MSC: variants seen among roughly 807,000 people sequenced by gnomAD.
MSC encodes the protein activated B-cell factor 1, homolog of mouse musculin.
MSC carries 16 observed loss-of-function variants against 14.4 expected under a neutral mutation model. The ratio of observed to expected loss-of-function variants is 1.11; its 90% CI spans 0.75 to 1.69. The LOEUF (loss-of-function observed/expected upper bound fraction) is 1.69, where lower values mean the gene tolerates loss of function less well. MSC is among the 40% of genes most tolerant of loss of function. MSC has a pLI of 0.00. For synonymous variants in MSC, 165 were observed against 128.5 expected, an observed-to-expected ratio of 1.28 and a Z score of -1.92; for missense variants, 320 against 288.1, an observed-to-expected ratio of 1.11 and a Z score of -0.80.
At position 71,842,695 on chromosome 8, in the gene MSC, G is replaced by C. The variant is rs1415624423; in HGVS notation, c.587C>G (p.Ser196Cys). 6.2e-7 allele frequency: 1 copy of C among 1,614,186 alleles called. No homozygotes were observed. Among genetic ancestry groups the C allele is most frequent in the Admixed American group, 1.7e-5 (1 of 60,026 alleles). The change falls in exon 2 of 2, where the codon TCC (serine) becomes TGC (cysteine). Residue 196 changes from serine (S) to cysteine (C), a missense_variant. Physicochemically the swap from Ser to Cys is moderately radical, Grantham distance 112 (BLOSUM62 -1). Transcript: ENST00000325509. ...GGTTCCACATAGTCTGTTGGCTGCG[G>C]AAACTTCTTTGGTGTCAGAGTCCGG... The part of the protein sequence containing the change: ...GRPDSDTKEV[S>C]AANRLCGTTA
In MSC at chr8:71,842,725, C is replaced by T. The variant is rs373436659; in HGVS notation, c.557G>A (p.Gly186Glu). 3 of 1,614,114 alleles carry T rather than the reference C, an allele frequency of 1.9e-6. No homozygotes were observed. Among genetic ancestry groups the T allele is most frequent in the African/African-American group, 2.7e-5 (2 of 75,028 alleles). The change falls in exon 2 of 2, where the codon GGA becomes GAA. Residue 186 changes from glycine (G) to glutamate (E), a missense_variant. Transcript: ENST00000325509. ...TTCTTTGGTGTCAGAGTCCGGTCTTCCCGAGACCACGAATGGCCATGTCTG... is the reference window on the plus strand; with the variant it reads ...TTCTTTGGTGTCAGAGTCCGGTCTTTCCGAGACCACGAATGGCCATGTCTG... ...VNLTWPFVVSGRPDSDTKEVS... is the reference protein window; with the variant it reads ...VNLTWPFVVSERPDSDTKEVS...
rs200007708 is a variant in MSC at position 71,843,920 on chromosome 8, C to T, written c.259G>A (p.Ala87Thr). ...AGGGGCTTCTTGCCACCACCGCCCG[C>T]GCTACCACCTGCGCCGCCGCCCCCA... ...VAGGGGAGGS[A>T]GGGGKKPLPA... Residue 87 changes from alanine to threonine, a missense_variant, in exon 1 of 2, where the codon GCG (alanine) becomes ACG (threonine). By Grantham distance (58) the Ala-to-Thr change is moderately conservative. Coordinates refer to ENST00000325509, the MANE Select transcript of MSC (RefSeq NM_005098.4). The T allele has an allele frequency of 2.5e-6, 4 of 1,578,360 alleles. No individual in the cohort carries two copies. The highest frequency in any genetic ancestry group is 3.4e-6 in the Non-Finnish European group (4 of 1,164,240).
chr8:71,843,812 G>C lies in MSC; in HGVS notation c.367C>G (p.Leu123Val), dbSNP rs1411672217. 1 of 1,613,678 alleles carries C rather than the reference G, an allele frequency of 6.2e-7. No individual in the cohort carries two copies. The highest frequency in any genetic ancestry group is 2.2e-5 in the East Asian group (1 of 44,876). The part of the protein sequence containing the change: ...NARERARMRV[L>V]SKAFSRLKTS... ...TTGAGCCTGGAGAAGGCTTTGCTCA[G>C]CACGCGCATCCGGGCACGCTCACGG... is the stretch of plus-strand genomic sequence containing the variant. The change falls in exon 1 of 2, where the codon CTG becomes GTG. Residue 123 changes from leucine to valine, a missense_variant. Coordinates refer to ENST00000325509, the MANE Select transcript of MSC (RefSeq NM_005098.4).
chr8:71,843,447 C>G (rs1318151082), intron 1 of MSC, 198 bp downstream of exon 1: 1 of 724,350 alleles, frequency 1.4e-6, no homozygotes, highest in African/African-American at 1.7e-5. Flanking sequence ...CAAACAGACA[C>G]GGAGGGTTGA....
At position 71,843,823 on chromosome 8, in the gene MSC, CG is replaced by C; in HGVS notation, c.355del (p.Arg119GlyfsTer5). 1 of 1,613,484 alleles carries C rather than the reference CG, an allele frequency of 6.2e-7. No individual in the cohort carries two copies. Among genetic ancestry groups the C allele is most frequent in the Non-Finnish European group, 8.5e-7 (1 of 1,179,878 alleles). On this transcript the variant is annotated frameshift_variant, in exon 1 of 2. Transcript: ENST00000325509. LOFTEE classifies it high-confidence loss of function. The part of the protein sequence containing the change: ...RNAANARERA[R>X]MRVLSKAFSR... ...GAAGGCTTTGCTCAGCACGCGCATC[CG>C]GGCACGCTCACGGGCGTTGGCCGCG...
chr8:71,844,203 C>T lies in MSC; in HGVS notation c.-25G>A, dbSNP rs1275909030. On this transcript the variant is annotated 5_prime_UTR_variant, in exon 1 of 2. Coordinates refer to ENST00000325509, the MANE Select transcript of MSC (RefSeq NM_005098.4). The stretch of plus-strand genomic sequence containing the variant: ...TCCCGTTGTCCCCCTTGCCCACACG[C>T]GTCCTCTTTCCTCCCCCCTGGCCAG... 2 of 1,597,048 alleles carry T rather than the reference C, an allele frequency of 1.3e-6. No homozygotes were observed. The highest frequency in any genetic ancestry group is 2.2e-5 in the East Asian group (1 of 44,590).
At chr8:71,843,103 A>C in intron 1 of MSC, 2 of 343,694 alleles carry the variant, frequency 5.8e-6, no homozygotes, top group South Asian at 2.6e-5. Context: ...CCAAGCTCCA[A>C]GTAGGAACTG....
chr8:71,841,574 C>G lies in MSC; in HGVS notation c.*1087G>C, dbSNP rs1187860989. The G allele has an allele frequency of 6.6e-6, 1 of 152,158 alleles. No individual in the cohort carries two copies. The highest frequency in any genetic ancestry group is 2.4e-5 in the African/African-American group (1 of 41,430). 9.4% of individuals were successfully genotyped at this position (152,158 alleles called of 1,614,324 possible). A position where few individuals can be genotyped will look rare whatever the true frequency, so the allele number is the denominator to read the frequency against. On this transcript the variant is annotated 3_prime_UTR_variant, in exon 2 of 2. Coordinates refer to ENST00000325509, the MANE Select transcript of MSC (RefSeq NM_005098.4). Reference sequence around the variant, plus strand: ...TCCAAGGGGCACACGGTTTTTACAGCGCGTTTTATTATTCATAAAAAAATA... The same window carrying G: ...TCCAAGGGGCACACGGTTTTTACAGGGCGTTTTATTATTCATAAAAAAATA...
rs962469149 is a variant in MSC, at chr8:71,841,627, G to A, written c.*1034C>T. 1 of 152,222 alleles carries A rather than the reference G, an allele frequency of 6.6e-6. No individual in the cohort carries two copies. The highest frequency in any genetic ancestry group is 1.5e-5 in the Non-Finnish European group (1 of 68,038). The allele number at this position is 152,222 out of a possible 1,614,324, so 9.4% of individuals were successfully genotyped here. A position where few individuals can be genotyped will look rare whatever the true frequency, so the allele number is the denominator to read the frequency against. On this transcript the variant is annotated 3_prime_UTR_variant, in exon 2 of 2. Coordinates refer to ENST00000325509, the MANE Select transcript of MSC (RefSeq NM_005098.4). ...TTTATTTACATATGTTATTTCCTGT[G>A]GTAGTGCAGCCTCGGGGCAAGGGCG...
Position 71,843,662 on chromosome 8 carries a change from C to G in MSC, c.517G>C (p.Val173Leu), listed in dbSNP as rs760063227. 8 of 1,614,188 alleles carry G rather than the reference C, an allele frequency of 5.0e-6. No homozygotes were observed. The highest frequency in any genetic ancestry group is 6.8e-6 in the Non-Finnish European group (8 of 1,180,038). The change falls in exon 1 of 2, where the codon GTG (valine) becomes CTG (leucine). Residue 173 changes from valine (V) to leucine (L), a missense_variant. By Grantham distance (32) the Val-to-Leu change is conservative. Coordinates refer to ENST00000325509, the MANE Select transcript of MSC (RefSeq NM_005098.4). ...LQEDRYENGY[V>L]HPVNLTWPFV... Reference sequence around the variant, plus strand: ...GCCCCTACCAGGTTCACTGGGTGCACGTAGCCGTTCTCATAGCGGTCCTCC... The same window carrying G: ...GCCCCTACCAGGTTCACTGGGTGCAGGTAGCCGTTCTCATAGCGGTCCTCC...
chr8:71,843,626 T>G lies in MSC; in HGVS notation c.534+19A>C. On this transcript the variant is annotated intron_variant, in intron 1 of 1. Transcript: ENST00000325509. The stretch of plus-strand genomic sequence containing the variant: ...ATCTCCTGGCTGCTCTCCCGAATCC[T>G]TGCGCGCCGCGCCCCTACCAGGTTC... 6.2e-7 allele frequency: 1 copy of G among 1,614,082 alleles called. No individual in the cohort carries two copies. The highest frequency in any genetic ancestry group is 1.1e-5 in the South Asian group (1 of 91,080).
Position 71,844,221 on chromosome 8 carries a change from C to CT in MSC, c.-44dup. The CT allele has an allele frequency of 6.2e-7, 1 of 1,607,384 alleles. No homozygotes were observed. On this transcript the variant is annotated 5_prime_UTR_variant, in exon 1 of 2. Coordinates refer to ENST00000325509, the MANE Select transcript of MSC (RefSeq NM_005098.4). ...CCACACGCGTCCTCTTTCCTCCCCC[C>CT]TGGCCAGTCTCGCTGTCTCCGCCTT...
Position 71,842,595 on chromosome 8 carries a change from T to A in MSC, c.*66A>T. ...TTCTTCCCATCTCACGAGCTCTCCC[T>A]TCTCTCCGTGGCCCCCAAACACTCG... On this transcript the variant is annotated 3_prime_UTR_variant, in exon 2 of 2. Coordinates refer to ENST00000325509, the MANE Select transcript of MSC (RefSeq NM_005098.4). 19 of 1,472,680 alleles carry A rather than the reference T, an allele frequency of 1.3e-5. No individual in the cohort carries two copies. Among genetic ancestry groups the A allele is most frequent in the Non-Finnish European group, 1.8e-5 (19 of 1,051,690 alleles). The allele number at this position is 1,472,680 out of a possible 1,614,324, so 91.2% of individuals were successfully genotyped here.
intron 1 of MSC, 63 bp downstream of exon 1, chr8:71,843,582 G>C: frequency 6.2e-7 from 1 of 1,608,626 alleles, no homozygotes; most frequent in East Asian, 2.2e-5. Context: ...CCTGCCCGGC[G>C]CCCAGGAGCG....
In MSC at chr8:71,844,089, G is replaced by A; in HGVS notation, c.90C>T (p.Pro30=). The change falls in exon 1 of 2, where the codon CCC becomes CCT. Residue 30 remains proline, a synonymous_variant. Coordinates refer to ENST00000325509, the MANE Select transcript of MSC (RefSeq NM_005098.4). ...EYPVPASKRP[P]LRGVERSYAS... ...CGTAGCTGCGCTCTACGCCGCGGAG[G>A]GGCGGCCTCTTGGAGGCGGGGACCG... 5 of 1,518,190 alleles carry A rather than the reference G, an allele frequency of 3.3e-6. No individual in the cohort carries two copies. Among genetic ancestry groups the A allele is most frequent in the Non-Finnish European group, 4.4e-6 (5 of 1,134,690 alleles). 94.0% of individuals were successfully genotyped at this position (1,518,190 alleles called of 1,614,324 possible). A position where few individuals can be genotyped will look rare whatever the true frequency, so the allele number is the denominator to read the frequency against.
Position 71,842,508 on chromosome 8 carries a change from G to T in MSC, c.*153C>A. 1 of 791,166 alleles carries T rather than the reference G, an allele frequency of 1.3e-6. No homozygotes were observed. The highest frequency in any genetic ancestry group is 2.2e-6 in the Non-Finnish European group (1 of 458,534). The allele number at this position is 791,166 out of a possible 1,614,324, so 49.0% of individuals were successfully genotyped here. A position where few individuals can be genotyped will look rare whatever the true frequency, so the allele number is the denominator to read the frequency against. ...GCGCTGTGCAGTGACAGCCACACCCGCCACCTGTCACGATCACAGTTCCAG... is the reference window on the plus strand; with the variant it reads ...GCGCTGTGCAGTGACAGCCACACCCTCCACCTGTCACGATCACAGTTCCAG... On this transcript the variant is annotated 3_prime_UTR_variant, in exon 2 of 2. Coordinates refer to ENST00000325509, the MANE Select transcript of MSC (RefSeq NM_005098.4).
chr8:71,842,863 A>G, intron 1 of MSC, 116 bp from the exon 2 acceptor site: 1 of 893,452 alleles, frequency 1.1e-6, no homozygotes, highest in South Asian at 1.3e-5. Context: ...TTTTATCAGC[A>G]TTCTGGGAAT....
Position 71,843,816 on chromosome 8 carries a change from G to T in MSC, c.363C>A (p.Arg121=). ...AANARERARM[R]VLSKAFSRLK... ...GCCTGGAGAAGGCTTTGCTCAGCAC[G>T]CGCATCCGGGCACGCTCACGGGCGT... The change falls in exon 1 of 2, where the codon CGC becomes CGA. Residue 121 remains arginine, a synonymous_variant. Coordinates refer to ENST00000325509, the MANE Select transcript of MSC (RefSeq NM_005098.4). The T allele has an allele frequency of 6.2e-7, 1 of 1,613,550 alleles. No individual in the cohort carries two copies. The highest frequency in any genetic ancestry group is 8.5e-7 in the Non-Finnish European group (1 of 1,179,902).
At position 71,844,328 on chromosome 8, in the gene MSC, C is replaced by A. The variant is rs1472645275; in HGVS notation, c.-150G>T. On this transcript the variant is annotated 5_prime_UTR_variant, in exon 1 of 2. Transcript: ENST00000325509. ...GGCCGGGAAGCGCGGGGTGAGAAAG[C>A]GAGGTGGGTGGCGAGAGCGTGAGCG... 4 of 1,156,230 alleles carry A rather than the reference C, an allele frequency of 3.5e-6. No homozygotes were observed. In the East Asian group the frequency reaches 1.0e-4, roughly 30 times the overall value. The allele number at this position is 1,156,230 out of a possible 1,614,324, so 71.6% of individuals were successfully genotyped here.
Sources: gnomAD v4.1 joint callset for allele counts on GRCh38, gnomAD v4.1.1 for gene constraint, MANE v1.5 for transcripts, NCBI Gene and HGNC (gene_info 2026-07-23, HGNC 2026-07-21) for gene names.